BBS9: variants seen among roughly 807,000 people sequenced by gnomAD.
The protein encoded by BBS9 is protein PTHB1.
BBS9 carries 89 observed loss-of-function variants against 117.7 expected under a neutral mutation model. The observed-to-expected ratio is 0.76, with a 90% confidence interval of 0.64 to 0.90. The LOEUF is 0.90. Among genes scored for constraint, BBS9 ranks in the 40% least tolerant of loss-of-function variants. The pLI is 0.00. For synonymous variants in BBS9, 379 were observed against 370.9 expected (o/e 1.02, Z -0.25); for missense variants, 982 against 1,042.2 (o/e 0.94, Z 0.80).
rs1802928665 is a variant in BBS9, at chr7:33,286,544, T to C, written c.1016+12588T>C. ...CCTCCTGATAACTGAAATTTGACTC[T>C]CTGGTTTCAAAGATAGAATGAGTTT... On this transcript the variant is annotated intron_variant, in intron 9 of 22. Transcript: ENST00000242067. 2.6e-5 allele frequency among the ~76,000 whole-genome samples: 4 copies of C among 152,168 alleles called. No homozygotes were observed. The South Asian group carries it at 8.3e-4, about 32-fold the overall frequency.
At chr7:33,306,057 G>A (rs1584230062) in intron 9 of BBS9, among the ~76,000 whole-genome samples, 1 of 151,774 alleles carries the variant, frequency 6.6e-6, no homozygotes, top group East Asian at 1.9e-4. Context: ...CTTTGTATTT[G>A]TTTTTGCTAT....
intron 21 of BBS9, among the ~76,000 whole-genome samples, chr7:33,598,837 C>T (rs530510369): frequency 3.3e-5 from 5 of 152,272 alleles, no homozygotes; most frequent in South Asian, 2.1e-4. Flanking sequence ...TTGAAAATTA[C>T]AATACTGTAT....
At chr7:33,608,510 A>G (rs1265111870), downstream of BBS9, among the ~76,000 whole-genome samples, 1 of 152,104 alleles carries the variant, frequency 6.6e-6, no homozygotes, top group Non-Finnish European at 1.5e-5. Flanking sequence ...AAAGTGTACA[A>G]GCATTTCCTT....
intron 19 of BBS9, among the ~76,000 whole-genome samples, chr7:33,454,077 C>G (rs1490713856): frequency 6.6e-6 from 1 of 152,090 alleles, no homozygotes; most frequent in African/African-American, 2.4e-5. Flanking sequence ...GGCTTAGTAG[C>G]CTTTGGGGTC....
chr7:33,562,330 T>C (rs1856215013), intron 21 of BBS9, among the ~76,000 whole-genome samples: 1 of 152,190 alleles, frequency 6.6e-6, no homozygotes, highest in African/African-American at 2.4e-5. Flanking sequence ...TAAGGAGATA[T>C]TTCTTTTTAA....
intron 1 of BBS9, among the ~76,000 whole-genome samples, chr7:33,141,245 A>C (rs1791410817): frequency 6.6e-6 from 1 of 152,080 alleles, no homozygotes; most frequent in African/African-American, 2.4e-5. Flanking sequence ...CAACATGGGG[A>C]AACTCCATCT....
At chr7:33,547,081 C>A (rs1003848742) in intron 21 of BBS9, among the ~76,000 whole-genome samples, 1 of 152,060 alleles carries the variant, frequency 6.6e-6, no homozygotes, top group Non-Finnish European at 1.5e-5. Flanking sequence ...ATAATACATA[C>A]AATCTCATAT....
chr7:33,592,646 G>C (rs1205975693), intron 21 of BBS9, among the ~76,000 whole-genome samples: 2 of 152,034 alleles, frequency 1.3e-5, no homozygotes, highest in African/African-American at 4.8e-5. Context: ...CTCTCAACCT[G>C]TTTCCAAGCC....
At chr7:33,483,909 A>G (rs1370361415) in intron 19 of BBS9, among the ~76,000 whole-genome samples, 1 of 152,108 alleles carries the variant, frequency 6.6e-6, no homozygotes, top group African/African-American at 2.4e-5. Context: ...AAATGTTGGG[A>G]TTTACAGATG....
chr7:33,434,684 C>A (rs1835041517), intron 19 of BBS9, among the ~76,000 whole-genome samples: 1 of 152,066 alleles, frequency 6.6e-6, no homozygotes, highest in Non-Finnish European at 1.5e-5. Flanking sequence ...ATTCATAGAA[C>A]CATTTAGTGA....
rs541161302 is a variant in BBS9 at position 33,344,068 on chromosome 7, T to C, written c.1276-513T>C. ...AATATGTGACCTTTTCTTTCCTTTT[T>C]AGGGGATGAGTTTTTTTTTTTTTTT... On this transcript the variant is annotated intron_variant, in intron 11 of 22. Transcript: ENST00000242067. Among the ~76,000 whole-genome samples, 13 of 150,184 alleles carry C rather than the reference T, an allele frequency of 8.7e-5. No homozygotes were observed. The South Asian group carries it at 2.7e-3, about 32-fold the overall frequency.
intron 10 of BBS9, among the ~76,000 whole-genome samples, chr7:33,340,368 G>T (rs1816261808): frequency 6.6e-6 from 1 of 152,092 alleles, no homozygotes; most frequent in Non-Finnish European, 1.5e-5. Flanking sequence ...CCTTATTTAT[G>T]ACTTTGGGAC....
intron 16 of BBS9, among the ~76,000 whole-genome samples, chr7:33,361,008 T>C (rs1165271622): frequency 6.6e-6 from 1 of 152,192 alleles, no homozygotes; most frequent in Non-Finnish European, 1.5e-5. Flanking sequence ...CATATCTTAC[T>C]ACAAGGTAGG....
chr7:33,313,113 T>G (rs888597560), intron 9 of BBS9, among the ~76,000 whole-genome samples: 1 of 151,908 alleles, frequency 6.6e-6, no homozygotes, highest in African/African-American at 2.4e-5. Context: ...GATAACACTT[T>G]GTTGAAATGC....
At chr7:33,437,386 T>G (rs1480810176) in intron 19 of BBS9, among the ~76,000 whole-genome samples, 1 of 152,188 alleles carries the variant, frequency 6.6e-6, no homozygotes, top group South Asian at 2.1e-4. Context: ...TCAGGTTAAC[T>G]CCAGGGTATT....
chr7:33,289,247 T>C (rs1258193198), intron 9 of BBS9, among the ~76,000 whole-genome samples: 1 of 152,098 alleles, frequency 6.6e-6, no homozygotes, highest in Non-Finnish European at 1.5e-5. Flanking sequence ...AACTGAGGGG[T>C]GGAAGGGCCT....
chr7:33,232,209 A>G lies in BBS9; in HGVS notation c.443-25027A>G, dbSNP rs527499271. ...GGAAGTGACTATTATAGCAATACCA[A>G]TCTTTCTGATTTAGTTATCATAGTC... On this transcript the variant is annotated intron_variant, in intron 5 of 22. Transcript: ENST00000242067. Among the ~76,000 whole-genome samples, 4 of 152,244 alleles carry G rather than the reference A, an allele frequency of 2.6e-5. No homozygotes were observed. The South Asian group carries it at 6.2e-4, about 24-fold the overall frequency.
chr7:33,632,653 G>C (rs1257823565), intron 21 of BBS9, among the ~76,000 whole-genome samples: 2 of 152,124 alleles, frequency 1.3e-5, no homozygotes, highest in Admixed American at 6.5e-5. Flanking sequence ...GCCCAGCCCC[G>C]GGGACTCCAG....
In BBS9 at chr7:33,605,682, C is replaced by T. The variant is rs1184541429; in HGVS notation, c.*456C>T. 1 of 181,748 alleles carries T rather than the reference C, an allele frequency of 5.5e-6. No individual in the cohort carries two copies. Among genetic ancestry groups the T allele is most frequent in the Non-Finnish European group, 1.2e-5 (1 of 84,994 alleles). The allele number at this position is 181,748 out of a possible 1,614,324, so 11.3% of individuals were successfully genotyped here. A position where few individuals can be genotyped will look rare whatever the true frequency, so the allele number is the denominator to read the frequency against. ...GAGGGATTTATGAGTGATTGCTCTA[C>T]ATTATTTCTTCAAAGGAAAGGAAAG... On this transcript the variant is annotated 3_prime_UTR_variant, in exon 23 of 23. Transcript: ENST00000242067.
Sources: gnomAD v4.1 joint callset for allele counts (sites outside exome capture counted in the v4.1 genomes callset) on GRCh38, gnomAD v4.1.1 for gene constraint, MANE v1.5 for transcripts, NCBI Gene and HGNC (gene_info 2026-07-23, HGNC 2026-07-21) for gene names.